The following TLK1 variants were observed in gnomAD, a reference collection of about 807,000 sequenced individuals.
TLK1 encodes the protein serine/threonine-protein kinase tousled-like 1.
A neutral mutation model predicts 105.3 loss-of-function variants in TLK1; 24 were observed. That is an observed-to-expected ratio of 0.23 (90% CI 0.17 to 0.32). TLK1 has a LOEUF of 0.32. TLK1 is among the 10% of genes least tolerant of loss of function. TLK1 has a pLI of 1.00. For synonymous variants in TLK1, 321 were observed against 310.4 expected, an observed-to-expected ratio of 1.03 and a Z score of -0.36; for missense variants, 558 against 910.5, an observed-to-expected ratio of 0.61 and a Z score of 4.98.
Position 171,036,164 on chromosome 2 carries a change from G to C in TLK1, c.1170-7759C>G, listed in dbSNP as rs187414738. The stretch of plus-strand genomic sequence containing the variant: ...ATTTTAAGAAGCATAATTTCTGAAG[G>C]CTGGACACAGTGGCTCACGCCTGCA... On this transcript the variant is annotated intron_variant, in intron 11 of 20. Transcript: ENST00000431350. Among the ~76,000 whole-genome samples, 25 of 152,320 alleles carry C rather than the reference G, an allele frequency of 1.6e-4. No individual in the cohort carries two copies. The East Asian group carries it at 4.6e-3, about 28-fold the overall frequency.
intron 2 of TLK1, among the ~76,000 whole-genome samples, chr2:171,117,394 G>T (rs1312401396): frequency 1.3e-5 from 2 of 152,164 alleles, no homozygotes; most frequent in Non-Finnish European, 2.9e-5. Context: ...TGGCCTAAAA[G>T]ATATACACTA....
chr2:171,194,225 C>G (rs1693217079), intron 1 of TLK1, among the ~76,000 whole-genome samples: 2 of 152,166 alleles, frequency 1.3e-5, no homozygotes, highest in African/African-American at 4.8e-5. Context: ...TGAGCCTCAG[C>G]AATCAGGGTT....
At chr2:171,128,219 C>T (rs1328467464) in intron 1 of TLK1, among the ~76,000 whole-genome samples, 1 of 152,090 alleles carries the variant, frequency 6.6e-6, no homozygotes, top group Non-Finnish European at 1.5e-5. Flanking sequence ...CTTCTCTCTA[C>T]TGCCATGACC....
rs147081903 is a variant in TLK1 at position 171,114,451 on chromosome 2, G to A, written c.258+3288C>T. Reference sequence around the variant, plus strand: ...TTCCAGACTGTTGTCAGAGGGAGACGTGACTTTGGAAGAATGGTCAAGGAG... The same window carrying A: ...TTCCAGACTGTTGTCAGAGGGAGACATGACTTTGGAAGAATGGTCAAGGAG... On this transcript the variant is annotated intron_variant, in intron 2 of 20. Transcript: ENST00000431350. Among the ~76,000 whole-genome samples, 297 of 152,312 alleles carry A rather than the reference G, an allele frequency of 1.9e-3. 2 individuals carry two copies. Among genetic ancestry groups the A allele is most frequent in the Middle Eastern group, 0.017 (5 of 294 alleles).
chr2:171,177,362 C>G (rs144213667), intron 1 of TLK1, among the ~76,000 whole-genome samples: 57 of 150,880 alleles, frequency 3.8e-4, no homozygotes, highest in Admixed American at 1.1e-3. Flanking sequence ...AGGCTGGTCT[C>G]GAACTACTAG....
At chr2:171,054,134 A>AT (rs1420263008) in intron 7 of TLK1, 2 of 207,450 alleles carry the variant, frequency 9.6e-6, no homozygotes, top group Admixed American at 5.9e-5. Context: ...CCTCTAGTTG[A>AT]TTTTTTTGAA....
In TLK1 at chr2:171,160,118, C is replaced by T. The variant is rs1469408917; in HGVS notation, c.139+172G>A. 4.0e-5 allele frequency among the ~76,000 whole-genome samples: 6 copies of T among 151,772 alleles called. No individual in the cohort carries two copies. The highest frequency in any genetic ancestry group is 8.8e-5 in the Non-Finnish European group (6 of 67,888). On this transcript the variant is annotated intron_variant, in intron 1 of 20. Coordinates refer to ENST00000431350, the MANE Select transcript of TLK1 (RefSeq NM_012290.5). This position sits in a 1 kb window ranked among gnomAD's most constrained non-coding sequence, Gnocchi z 4.4. Reference sequence around the variant, plus strand: ...CGCGAACCACCATCCACAGCCAGGGCACTACCTCCCCAGAGCCGGGGAGCC... The same window carrying T: ...CGCGAACCACCATCCACAGCCAGGGTACTACCTCCCCAGAGCCGGGGAGCC...
intron 13 of TLK1, 39 bp from the exon 14 acceptor site, chr2:171,011,493 A>T (rs766887335): frequency 1.3e-6 from 2 of 1,562,366 alleles, no homozygotes. Context: ...ATTAAAACAC[A>T]CACATAAAAA....
intron 2 of TLK1, among the ~76,000 whole-genome samples, chr2:171,088,889 G>A (rs1689099024): frequency 6.6e-6 from 1 of 152,182 alleles, no homozygotes; most frequent in African/African-American, 2.4e-5. Context: ...GAGAAGATAT[G>A]GGATACATGA....
Position 171,174,502 on chromosome 2 carries a change from T to C in TLK1, c.-6+56643A>G, listed in dbSNP as rs1384600958. ...TAATTTGCCAAGGTACTCTTCATAA[T>C]TATTATTTAACATGCAATATTAAGC... On this transcript the variant is annotated intron_variant, in intron 1 of 20. Coordinates refer to the TLK1 transcript ENST00000521943. Among the ~76,000 whole-genome samples, 3 of 152,200 alleles carry C rather than the reference T, an allele frequency of 2.0e-5. No homozygotes were observed. The East Asian group carries it at 5.8e-4, about 29-fold the overall frequency.
intron 1 of TLK1, among the ~76,000 whole-genome samples, chr2:171,169,833 T>C (rs1172457420): frequency 2.0e-5 from 3 of 152,196 alleles, no homozygotes; most frequent in African/African-American, 7.2e-5. Flanking sequence ...TTTCCGCAGA[T>C]AGTTAAAAGC....
intron 2 of TLK1, among the ~76,000 whole-genome samples, chr2:171,093,735 G>C (rs1452683787): frequency 6.6e-6 from 1 of 152,042 alleles, no homozygotes; most frequent in African/African-American, 2.4e-5. Context: ...AGTTAGAATA[G>C]GTAAGTAAGA....
At position 171,049,806 on chromosome 2, in the gene TLK1, T is replaced by A; in HGVS notation, c.980+8A>T. 6.2e-7 allele frequency: 1 copy of A among 1,613,320 alleles called. No homozygotes were observed. Among genetic ancestry groups the A allele is most frequent in the Non-Finnish European group, 8.5e-7 (1 of 1,179,760 alleles). On this transcript the variant is annotated splice_region_variant and intron_variant, in intron 10 of 20. Transcript: ENST00000431350. Reference sequence around the variant, plus strand: ...ACTAAAAACTTTTAAATGTTAAGAATGACTAACTTCACAAGATTCTGAAAT... The same window carrying A: ...ACTAAAAACTTTTAAATGTTAAGAAAGACTAACTTCACAAGATTCTGAAAT...
chr2:171,033,580 A>G (rs571223853), intron 11 of TLK1, among the ~76,000 whole-genome samples: 53 of 148,338 alleles, frequency 3.6e-4, no homozygotes, highest in Middle Eastern at 3.4e-3. Flanking sequence ...GAATGTTTAT[A>G]ACAAAGAAAT....
intron 1 of TLK1, among the ~76,000 whole-genome samples, chr2:171,134,472 A>G (rs1691225218): frequency 6.6e-6 from 1 of 152,212 alleles, no homozygotes; most frequent in African/African-American, 2.4e-5. Context: ...GATTGGGCAA[A>G]GAATCTGAAC....
chr2:171,149,534 C>T (rs1575630997), intron 1 of TLK1, among the ~76,000 whole-genome samples: 1 of 152,152 alleles, frequency 6.6e-6, no homozygotes, highest in East Asian at 1.9e-4. Flanking sequence ...AAGTAGGAGA[C>T]ACTGGGAAGA....
At chr2:171,003,930 C>T (rs1444730153) in intron 18 of TLK1, among the ~76,000 whole-genome samples, 2 of 152,056 alleles carry the variant, frequency 1.3e-5, no homozygotes, top group African/African-American at 4.8e-5. Flanking sequence ...TTCACGCCTT[C>T]GTGACATACC....
Position 171,212,312 on chromosome 2 carries a change from G to A in TLK1, c.-6+18833C>T, listed in dbSNP as rs1360637787. Among the ~76,000 whole-genome samples the A allele has an allele frequency of 8.7e-4, 11 of 12,626 alleles. No individual in the cohort carries two copies. The South Asian group carries it at 0.013, about 15-fold the overall frequency. The allele number at this position is 12,626 out of a possible 152,430, so 8.3% of individuals were successfully genotyped here. A position where few individuals can be genotyped will look rare whatever the true frequency, so the allele number is the denominator to read the frequency against. ...CGCCCCCTCCTTCACCTCCCCCACC[G>A]CCCCCAAGCTTCACTCCCTGTTATG... On this transcript the variant is annotated intron_variant, in intron 1 of 20. Transcript: ENST00000521943.
intron 15 of TLK1, 30 bp from the exon 16 acceptor site, chr2:171,006,919 T>C (rs1290632808): frequency 6.2e-7 from 1 of 1,605,106 alleles, no homozygotes; most frequent in East Asian, 2.2e-5. Flanking sequence ...TAATTCTCCA[T>C]GATCATTCAA....
Sources: allele counts gnomAD v4.1 joint callset (sites outside exome capture counted in the v4.1 genomes callset), GRCh38; gene constraint gnomAD v4.1.1; non-coding constraint Gnocchi (gnomAD v3.1); transcripts MANE v1.5; gene names NCBI Gene and HGNC (gene_info 2026-07-23, HGNC 2026-07-21).